SPOCK1: variants seen among roughly 807,000 people sequenced by gnomAD.
The protein encoded by SPOCK1 is testican-1.
SPOCK1 carries 23 observed loss-of-function variants against 55.3 expected under a neutral mutation model. That is an observed-to-expected ratio of 0.42 (90% CI 0.30 to 0.59). The LOEUF (loss-of-function observed/expected upper bound fraction) is 0.59, where lower values mean the gene tolerates loss of function less well. Ranked by LOEUF, SPOCK1 falls within the 20% of genes least tolerant of loss-of-function variation. The probability of loss-of-function intolerance (pLI) is 0.22; values close to 1 mark genes in which losing one functional copy is unlikely to be tolerated. For synonymous variants in SPOCK1, 226 were observed against 221.0 expected, an observed-to-expected ratio of 1.02 and a Z score of -0.20; for missense variants, 499 against 552.5, an observed-to-expected ratio of 0.90 and a Z score of 0.97.
chr5:137,424,252 G>A (rs892965247), intron 2 of SPOCK1, among the ~76,000 whole-genome samples: 1 of 152,140 alleles, frequency 6.6e-6, no homozygotes, highest in African/African-American at 2.4e-5. Flanking sequence ...ACGGTGGCAT[G>A]CACCTGTGGT....
intron 2 of SPOCK1, among the ~76,000 whole-genome samples, chr5:137,474,292 A>G (rs1358968385): frequency 6.6e-6 from 1 of 152,204 alleles, no homozygotes; most frequent in East Asian, 1.9e-4. Flanking sequence ...TCAGTACGGT[A>G]ATTCCTAGAC....
At chr5:137,401,558 C>CA (rs34044799) in intron 2 of SPOCK1, among the ~76,000 whole-genome samples, 24,320 of 100,342 alleles carry the variant, frequency 0.24, 3,212 homozygotes, top group African/African-American at 0.31. Context: ...CTCATCTCTA[C>CA]AAAAAAAAAA....
chr5:137,029,947 G>A (rs1055492667), intron 6 of SPOCK1, among the ~76,000 whole-genome samples: 49 of 152,298 alleles, frequency 3.2e-4, no homozygotes, highest in African/African-American at 1.1e-3. Context: ...AGCATGCAAG[G>A]AGAAAAGAGA....
At chr5:137,429,934 G>T (rs1752708067) in intron 2 of SPOCK1, among the ~76,000 whole-genome samples, 1 of 152,218 alleles carries the variant, frequency 6.6e-6, no homozygotes. Flanking sequence ...GGCCTGAGTG[G>T]TCTCTCCAGA....
chr5:137,181,401 A>T (rs1054554670), intron 3 of SPOCK1, among the ~76,000 whole-genome samples: 1 of 152,222 alleles, frequency 6.6e-6, no homozygotes, highest in African/African-American at 2.4e-5. Context: ...TTCTATCAGC[A>T]ATGAGGACTA....
chr5:137,014,888 C>T (rs959786281), intron 6 of SPOCK1, among the ~76,000 whole-genome samples: 3 of 152,120 alleles, frequency 2.0e-5, no homozygotes, highest in South Asian at 4.1e-4. Context: ...ATTCTGTACA[C>T]GGTGGGGGTC....
chr5:137,058,832 G>T (rs1055940287), intron 6 of SPOCK1, among the ~76,000 whole-genome samples: 2 of 152,160 alleles, frequency 1.3e-5, no homozygotes, highest in African/African-American at 4.8e-5. Flanking sequence ...TGAGGCAGTG[G>T]TGAGAAGGGC....
intron 3 of SPOCK1, among the ~76,000 whole-genome samples, chr5:137,175,335 T>C (rs556747711): frequency 6.6e-6 from 1 of 152,184 alleles, no homozygotes; most frequent in South Asian, 2.1e-4. Flanking sequence ...CAGTGAGGCT[T>C]TTGAGTAAAA....
chr5:137,303,758 G>T (rs1757647332), intron 2 of SPOCK1, among the ~76,000 whole-genome samples: 1 of 152,220 alleles, frequency 6.6e-6, no homozygotes, highest in Non-Finnish European at 1.5e-5. Flanking sequence ...AGGTGGTGAG[G>T]ACAAAGGCCT....
At chr5:137,214,601 C>A (rs2164131) in intron 3 of SPOCK1, among the ~76,000 whole-genome samples, 63,574 of 151,998 alleles carry the variant, frequency 0.42, 13,975 homozygotes, top group Middle Eastern at 0.49. Context: ...GTGGTCTATA[C>A]CTTCAAACCA....
chr5:137,279,509 A>G (rs1037552407), intron 2 of SPOCK1, among the ~76,000 whole-genome samples: 1 of 152,196 alleles, frequency 6.6e-6, no homozygotes, highest in Non-Finnish European at 1.5e-5. Context: ...GGGATCTGGC[A>G]GGTGCACGAT....
chr5:137,349,110 GGCAA>G (rs1750624008), intron 2 of SPOCK1, among the ~76,000 whole-genome samples: 1 of 152,202 alleles, frequency 6.6e-6, no homozygotes, highest in Non-Finnish European at 1.5e-5. Flanking sequence ...TTGAAAGGCA[GGCAA>G]GCTGCTGAGT....
chr5:137,094,348 G>T (rs969647951), intron 5 of SPOCK1, among the ~76,000 whole-genome samples: 1 of 152,174 alleles, frequency 6.6e-6, no homozygotes, highest in African/African-American at 2.4e-5. Context: ...TAAACCAGGA[G>T]AGTTTAGTAC....
chr5:137,245,693 C>A (rs985053535), intron 3 of SPOCK1, among the ~76,000 whole-genome samples: 1 of 150,680 alleles, frequency 6.6e-6, no homozygotes, highest in Admixed American at 6.7e-5. Context: ...AAGGGATGTA[C>A]GGTTAGATGG....
At chr5:137,355,817 G>A (rs1490628065) in intron 2 of SPOCK1, among the ~76,000 whole-genome samples, 1 of 152,062 alleles carries the variant, frequency 6.6e-6, no homozygotes, top group East Asian at 1.9e-4. Flanking sequence ...CCCCCAGGTG[G>A]AGTCCTGCAT....
At chr5:137,189,810 A>G (rs1174349809) in intron 3 of SPOCK1, among the ~76,000 whole-genome samples, 1 of 152,154 alleles carries the variant, frequency 6.6e-6, no homozygotes, top group Non-Finnish European at 1.5e-5. Flanking sequence ...AAAATGATTC[A>G]TAAGTCTATA....
chr5:137,129,195 A>G (rs1304579579), intron 4 of SPOCK1, among the ~76,000 whole-genome samples: 2 of 152,116 alleles, frequency 1.3e-5, no homozygotes, highest in Admixed American at 1.3e-4. Flanking sequence ...TTCCTGAAGC[A>G]CAGGCCTCCC....
At chr5:137,339,756 G>C (rs1297316189) in intron 2 of SPOCK1, among the ~76,000 whole-genome samples, 1 of 152,160 alleles carries the variant, frequency 6.6e-6, no homozygotes, top group Non-Finnish European at 1.5e-5. Context: ...CCCAGATAAT[G>C]CTTGGTGAAC....
At chr5:137,089,127 G>A (rs1753010835) in intron 5 of SPOCK1, among the ~76,000 whole-genome samples, 1 of 152,046 alleles carries the variant, frequency 6.6e-6, no homozygotes, top group Non-Finnish European at 1.5e-5. Flanking sequence ...GGAGGAGGAG[G>A]GGGCTTGTGC....
Sources: gnomAD v4.1 joint callset for allele counts (sites outside exome capture counted in the v4.1 genomes callset) on GRCh38, gnomAD v4.1.1 for gene constraint, MANE v1.5 for transcripts, NCBI Gene and HGNC (gene_info 2026-07-23, HGNC 2026-07-21) for gene names.